CSMD3: variants seen among roughly 807,000 people sequenced by gnomAD.
CSMD3 encodes CUB and Sushi multiple domains 3, also known as CUB and sushi domain-containing protein 3.
A neutral mutation model predicts 435.2 loss-of-function variants in CSMD3; 177 were observed. The ratio of observed to expected loss-of-function variants is 0.41; its 90% CI spans 0.36 to 0.46. CSMD3 has a LOEUF of 0.46. Among genes scored for constraint, CSMD3 ranks in the 20% least tolerant of loss-of-function variants. The probability of loss-of-function intolerance (pLI) is 0.34; values close to 1 mark genes in which losing one functional copy is unlikely to be tolerated. For synonymous variants in CSMD3, 1,656 were observed against 1,520.5 expected, an observed-to-expected ratio of 1.09 and a Z score of -2.07; for missense variants, 4,265 against 4,504.6, an observed-to-expected ratio of 0.95 and a Z score of 1.52.
intron 3 of CSMD3, among the ~76,000 whole-genome samples, chr8:113,245,627 T>A (rs1276553365): frequency 6.6e-6 from 1 of 152,090 alleles, no homozygotes; most frequent in Non-Finnish European, 1.5e-5. Context: ...TAATGCTTTA[T>A]GCAGTTGTTT....
chr8:112,237,108 A>G, intron 67 of CSMD3, 82 bp downstream of exon 67: 2 of 1,425,596 alleles, frequency 1.4e-6, no homozygotes, highest in Non-Finnish European at 2.0e-6. Flanking sequence ...TTCACCATAT[A>G]AAAAGCATTA....
At chr8:113,167,071 C>A (rs534933494) in intron 4 of CSMD3, among the ~76,000 whole-genome samples, 34 of 152,076 alleles carry the variant, frequency 2.2e-4, no homozygotes, top group African/African-American at 8.2e-4. Context: ...GAATATGAAG[C>A]AAACCAAGGC....
chr8:112,276,690 C>G (rs1218358780), intron 59 of CSMD3, among the ~76,000 whole-genome samples: 1 of 152,098 alleles, frequency 6.6e-6, no homozygotes, highest in Non-Finnish European at 1.5e-5. Flanking sequence ...TCAGAGTGTA[C>G]AAGTCCTTGA....
intron 5 of CSMD3, among the ~76,000 whole-genome samples, chr8:113,089,472 GAAT>G (rs1252823714): frequency 2.0e-5 from 3 of 151,848 alleles, no homozygotes; most frequent in African/African-American, 7.3e-5. Context: ...ACAATACATT[GAAT>G]AATGACACGT....
chr8:112,551,795 C>T (rs1232629047), intron 26 of CSMD3, among the ~76,000 whole-genome samples: 5 of 151,780 alleles, frequency 3.3e-5, no homozygotes, highest in African/African-American at 4.8e-5. Context: ...TCTGAAATTC[C>T]ATTGTATATA....
chr8:113,382,359 G>T (rs1302358633), intron 1 of CSMD3, among the ~76,000 whole-genome samples: 1 of 152,064 alleles, frequency 6.6e-6, no homozygotes, highest in Non-Finnish European at 1.5e-5. Context: ...CTTAATTTGA[G>T]TTCACAATAA....
intron 6 of CSMD3, among the ~76,000 whole-genome samples, chr8:112,977,165 A>G (rs568841668): frequency 1.3e-5 from 2 of 152,138 alleles, no homozygotes; most frequent in South Asian, 4.1e-4. Context: ...ATGAAATTGA[A>G]TGGGGGTATA....
chr8:113,168,785 A>G (rs139680520), intron 4 of CSMD3, among the ~76,000 whole-genome samples: 33 of 152,130 alleles, frequency 2.2e-4, no homozygotes, highest in Non-Finnish European at 4.1e-4. Flanking sequence ...TTTTATCAAT[A>G]ACCTTATCTA....
chr8:112,901,405 T>C (rs2082106173), intron 10 of CSMD3, among the ~76,000 whole-genome samples: 1 of 151,176 alleles, frequency 6.6e-6, no homozygotes, highest in Non-Finnish European at 1.5e-5. Context: ...AAACTAGAAA[T>C]GAAACATTTT....
chr8:112,465,701 G>A (rs1817882810), intron 32 of CSMD3, among the ~76,000 whole-genome samples: 1 of 152,126 alleles, frequency 6.6e-6, no homozygotes, highest in Non-Finnish European at 1.5e-5. Context: ...GAGGCTGGGT[G>A]TGGCGGTTCA....
intron 12 of CSMD3, among the ~76,000 whole-genome samples, chr8:112,811,228 A>G (rs1258613392): frequency 1.3e-5 from 2 of 152,048 alleles, no homozygotes; most frequent in Non-Finnish European, 2.9e-5. Flanking sequence ...ATAGTAACAA[A>G]AAAGAAAACT....
chr8:112,339,977 C>T (rs1824943256), intron 42 of CSMD3, among the ~76,000 whole-genome samples: 1 of 152,026 alleles, frequency 6.6e-6, no homozygotes, highest in East Asian at 1.9e-4. Flanking sequence ...TTTATTAGGT[C>T]AATAATGAAT....
At chr8:113,093,149 G>C (rs1168120708) in intron 5 of CSMD3, among the ~76,000 whole-genome samples, 1 of 152,034 alleles carries the variant, frequency 6.6e-6, no homozygotes, top group African/African-American at 2.4e-5. Flanking sequence ...CCTGTTATTT[G>C]AGCAAAGATA....
intron 11 of CSMD3, among the ~76,000 whole-genome samples, chr8:112,833,424 G>T (rs960147256): frequency 4.6e-5 from 7 of 151,908 alleles, no homozygotes; most frequent in Admixed American, 6.6e-5. Context: ...ATATAGAAAA[G>T]AAATTTATTT....
chr8:112,866,972 T>G (rs1438826246), intron 10 of CSMD3, among the ~76,000 whole-genome samples: 1 of 152,158 alleles, frequency 6.6e-6, no homozygotes, highest in African/African-American at 2.4e-5. Context: ...CGAAGAGAGA[T>G]GTACCAACAA....
At chr8:112,909,941 CT>C (rs1223066788) in intron 10 of CSMD3, among the ~76,000 whole-genome samples, 1 of 151,804 alleles carries the variant, frequency 6.6e-6, no homozygotes, top group African/African-American at 2.4e-5. Flanking sequence ...CAAACTTCCA[CT>C]TTGCCACTCT....
chr8:112,313,798 G>A (rs1822210628), intron 49 of CSMD3, 108 bp downstream of exon 49: 2 of 836,300 alleles, frequency 2.4e-6, no homozygotes, highest in East Asian at 2.5e-5. Context: ...ATCAATGGAG[G>A]AGCTGTGATT....
chr8:113,216,963 T>C (rs1356867896), intron 3 of CSMD3, among the ~76,000 whole-genome samples: 1 of 151,776 alleles, frequency 6.6e-6, no homozygotes, highest in Non-Finnish European at 1.5e-5. Context: ...TCTCAATAAA[T>C]GGCAACTGAG....
intron 2 of CSMD3, among the ~76,000 whole-genome samples, chr8:113,307,406 T>C (rs1426308811): frequency 6.6e-6 from 1 of 152,138 alleles, no homozygotes; most frequent in Non-Finnish European, 1.5e-5. Flanking sequence ...ATCACAGATC[T>C]AAATATAAAG....
Sources: gnomAD v4.1 joint callset for allele counts (sites outside exome capture counted in the v4.1 genomes callset) on GRCh38, gnomAD v4.1.1 for gene constraint, MANE v1.5 for transcripts, NCBI Gene and HGNC (gene_info 2026-07-23, HGNC 2026-07-21) for gene names.